The following RASL10B variants were observed in gnomAD, a reference collection of about 807,000 sequenced individuals.
RASL10B encodes RAS like family 10 member B.
A neutral mutation model predicts 20.7 loss-of-function variants in RASL10B; 10 were observed. The observed-to-expected ratio is 0.48, with a 90% CI of 0.30 to 0.82. The LOEUF is 0.82. Among genes scored for constraint, RASL10B ranks in the 40% least tolerant of loss-of-function variants. The pLI is 0.07. For synonymous variants in RASL10B, 110 were observed against 123.3 expected (o/e 0.89, Z 0.72); for missense variants, 231 against 295.4 (o/e 0.78, Z 1.60).
In RASL10B at chr17:35,741,099, C is replaced by A. The variant is rs782116482; in HGVS notation, c.406C>A (p.Arg136Ser). 1.2e-6 allele frequency: 2 copies of A among 1,613,218 alleles called. No individual in the cohort carries two copies. Among genetic ancestry groups the A allele is most frequent in the Non-Finnish European group, 1.7e-6 (2 of 1,179,770 alleles). The change falls in exon 4 of 4, where the codon CGC (arginine) becomes AGC (serine). Residue 136 changes from arginine to serine, a missense_variant. Transcript: ENST00000603017. ...VGNKRDLQRG[R>S]VIPRWNVSHL... is the part of the protein sequence containing the mutation. ...CAACAAGCGGGACCTGCAGCGCGGA[C>A]GCGTGATCCCGCGCTGGAACGTGTC...
intron 2 of RASL10B, among the ~76,000 whole-genome samples, chr17:35,738,768 G>A (rs2085610841): frequency 6.6e-6 from 1 of 152,128 alleles, no homozygotes; most frequent in South Asian, 2.1e-4. Context: ...GTGGGTGGGA[G>A]GAAGCCAGGA....
chr17:35,740,886 A>T lies in RASL10B; in HGVS notation c.342-149A>T, dbSNP rs1213231471. 3 of 664,686 alleles carry T rather than the reference A, an allele frequency of 4.5e-6. No individual in the cohort carries two copies. In the Admixed American group the frequency reaches 9.0e-5, roughly 20 times the overall value. 41.2% of individuals were successfully genotyped at this position (664,686 alleles called of 1,614,324 possible). ...CCCATCTTTTAGGTCAGTTGTGCTG[A>T]TCAGAGAATATAACACCTCCAGGGC... On this transcript the variant is annotated intron_variant, in intron 3 of 3. Transcript: ENST00000603017.
intron 2 of RASL10B, among the ~76,000 whole-genome samples, chr17:35,737,422 A>G (rs782460246): frequency 7.9e-5 from 12 of 152,084 alleles, no homozygotes; most frequent in Non-Finnish European, 1.8e-4. Flanking sequence ...GAAGAGCTAT[A>G]CCATGGAGTC....
Position 35,735,878 on chromosome 17 carries a change from C to T in RASL10B, c.216+478C>T, listed in dbSNP as rs999453368. ...AGGTAAGAGTCAGTAGAGAAAAGGA[C>T]AGGGAACACTAGGCTACTGTGAGTA... On this transcript the variant is annotated intron_variant, in intron 2 of 3. Transcript: ENST00000603017. The surrounding 1 kb of genome is among the most constrained non-coding windows in gnomAD (Gnocchi z 6.7). 5.9e-5 allele frequency among the ~76,000 whole-genome samples: 9 copies of T among 152,272 alleles called. No homozygotes were observed. Among genetic ancestry groups the T allele is most frequent in the African/African-American group, 2.2e-4 (9 of 41,544 alleles).
Position 35,740,715 on chromosome 17 carries a change from G to A in RASL10B, c.341+182G>A, listed in dbSNP as rs587603176. Among the ~76,000 whole-genome samples, 7 of 152,334 alleles carry A rather than the reference G, an allele frequency of 4.6e-5. No individual in the cohort carries two copies. The South Asian group carries it at 1.0e-3, about 23-fold the overall frequency. On this transcript the variant is annotated intron_variant, in intron 3 of 3. Transcript: ENST00000603017. ...ATTTCTGTCAACTCATGTTGGGACCGTGGCTGTGGGGGTGGCTAGAGTAGT... is the reference window on the plus strand; with the variant it reads ...ATTTCTGTCAACTCATGTTGGGACCATGGCTGTGGGGGTGGCTAGAGTAGT...
intron 1 of RASL10B, among the ~76,000 whole-genome samples, chr17:35,733,614 G>A (rs2085573047): frequency 6.6e-6 from 1 of 152,228 alleles, no homozygotes. Context: ...GAACCCACCT[G>A]CCCTGGAGCC....
intron 1 of RASL10B, among the ~76,000 whole-genome samples, chr17:35,732,584 T>C (rs1555596511): frequency 6.6e-6 from 1 of 152,168 alleles, no homozygotes; most frequent in African/African-American, 2.4e-5. Flanking sequence ...ACCTGATGAG[T>C]TCCAGGAGGC....
Position 35,741,404 on chromosome 17 carries a change from A to G in RASL10B, c.*99A>G. On this transcript the variant is annotated 3_prime_UTR_variant, in exon 4 of 4. Transcript: ENST00000603017. ...GGAGCGGGCGGGAAATGGAACTGTG[A>G]CGGTCCCGGCCTGAGGCCCCTGCAG... is the stretch of plus-strand genomic sequence containing the variant. 2 of 1,362,870 alleles carry G rather than the reference A, an allele frequency of 1.5e-6. No homozygotes were observed. Among genetic ancestry groups the G allele is most frequent in the Admixed American group, 3.8e-5 (1 of 26,222 alleles). The allele number at this position is 1,362,870 out of a possible 1,614,324, so 84.4% of individuals were successfully genotyped here.
At position 35,733,564 on chromosome 17, in the gene RASL10B, T is replaced by C. The variant is rs587712091; in HGVS notation, c.-147-1474T>C. ...AAGAACATGCATCTGCAGAGAAGTA[T>C]GCACCCATGCGGAAAAGCATGGCCT... is the stretch of plus-strand genomic sequence containing the variant. On this transcript the variant is annotated intron_variant, in intron 1 of 3. Coordinates refer to ENST00000603017, the MANE Select transcript of RASL10B (RefSeq NM_033315.4). 6.6e-5 allele frequency among the ~76,000 whole-genome samples: 10 copies of C among 152,320 alleles called. No individual in the cohort carries two copies. In the East Asian group the frequency reaches 1.9e-3, roughly 29 times the overall value.
rs1419054979 is a variant in RASL10B, at chr17:35,743,011, C to A, written c.*1706C>A. On this transcript the variant is annotated 3_prime_UTR_variant, in exon 4 of 4. Coordinates refer to ENST00000603017, the MANE Select transcript of RASL10B (RefSeq NM_033315.4). ...TCACAGCAACCGCCCTGACCTTGGG[C>A]AGTCTAGTGTTCCTGCATTCTAGTC... The A allele has an allele frequency of 1.3e-5, 2 of 152,686 alleles. No individual in the cohort carries two copies. 9.5% of individuals were successfully genotyped at this position (152,686 alleles called of 1,614,324 possible).
Position 35,735,031 on chromosome 17 carries a change from C to G in RASL10B, c.-147-7C>G. Reference sequence around the variant, plus strand: ...CAGTGCACTAAGCCCACCTCTTGTCCCCACAGTCCAGGTGGAGGCCGCAGA... The same window carrying G: ...CAGTGCACTAAGCCCACCTCTTGTCGCCACAGTCCAGGTGGAGGCCGCAGA... On this transcript the variant is annotated splice_polypyrimidine_tract_variant and splice_region_variant and intron_variant, in intron 1 of 3. Coordinates refer to ENST00000603017, the MANE Select transcript of RASL10B (RefSeq NM_033315.4). The surrounding 1 kb of genome is among the most constrained non-coding windows in gnomAD (Gnocchi z 6.7). 1.4e-6 allele frequency: 1 copy of G among 723,626 alleles called. No individual in the cohort carries two copies. The highest frequency in any genetic ancestry group is 2.4e-6 in the Non-Finnish European group (1 of 425,330). 44.8% of individuals were successfully genotyped at this position (723,626 alleles called of 1,614,324 possible).
Position 35,741,154 on chromosome 17 carries a change from G to T in RASL10B, c.461G>T (p.Gly154Val). 6.2e-7 allele frequency: 1 copy of T among 1,613,490 alleles called. No individual in the cohort carries two copies. The highest frequency in any genetic ancestry group is 1.1e-5 in the South Asian group (1 of 91,088). ...SHLVRKTWKC[G>V]YVECSAKYNW... ...CTGGTACGCAAGACCTGGAAGTGCG[G>T]CTACGTGGAATGCTCGGCCAAGTAC... Residue 154 changes from glycine (G) to valine (V), a missense_variant, in exon 4 of 4, where the codon GGC (glycine) becomes GTC (valine). Coordinates refer to ENST00000603017, the MANE Select transcript of RASL10B (RefSeq NM_033315.4).
chr17:35,735,523 A>G lies in RASL10B; in HGVS notation c.216+123A>G. 1.7e-5 allele frequency: 15 copies of G among 891,888 alleles called. No homozygotes were observed. Among genetic ancestry groups the G allele is most frequent in the East Asian group, 2.6e-5 (1 of 37,742 alleles). 55.2% of individuals were successfully genotyped at this position (891,888 alleles called of 1,614,324 possible). A position where few individuals can be genotyped will look rare whatever the true frequency, so the allele number is the denominator to read the frequency against. On this transcript the variant is annotated intron_variant, in intron 2 of 3. Coordinates refer to ENST00000603017, the MANE Select transcript of RASL10B (RefSeq NM_033315.4). The surrounding 1 kb of genome is among the most constrained non-coding windows in gnomAD (Gnocchi z 6.7). ...CCCCATCACTGAGTTTGGGAGCTCC[A>G]CACTGCACCTTGGGCCACTCTGCTT...
intron 1 of RASL10B, among the ~76,000 whole-genome samples, chr17:35,734,619 A>G (rs1555596819): frequency 6.6e-6 from 1 of 152,124 alleles, no homozygotes; most frequent in East Asian, 1.9e-4. Context: ...GTCCTGCACA[A>G]TCGAGTTCTC....
intron 3 of RASL10B, 120 bp from the exon 4 acceptor site, chr17:35,740,914 AG>A (rs1373207843): frequency 2.0e-5 from 16 of 780,612 alleles, no homozygotes; most frequent in African/African-American, 5.2e-5. Context: ...TCCAGGGCTT[AG>A]GGCTGCGCCT....
chr17:35,737,236 G>A (rs2085598739), intron 2 of RASL10B, among the ~76,000 whole-genome samples: 4 of 152,106 alleles, frequency 2.6e-5, no homozygotes, highest in Admixed American at 6.5e-5. Context: ...CGAACTACTG[G>A]CCTCAAGCGA....
intron 2 of RASL10B, among the ~76,000 whole-genome samples, chr17:35,739,057 C>T (rs2085612412): frequency 6.6e-6 from 1 of 152,186 alleles, no homozygotes; most frequent in South Asian, 2.1e-4. Context: ...ATCCTCCCGC[C>T]GCACCAAAAA....
rs587654615 is a variant in RASL10B, at chr17:35,741,332, G to C, written c.*27G>C. ...GCCTGCGCGCCCCTCGGGCTGCACCGGCACTGGCCGAGCGGAGGGCGGGGC... is the reference window on the plus strand; with the variant it reads ...GCCTGCGCGCCCCTCGGGCTGCACCCGCACTGGCCGAGCGGAGGGCGGGGC... On this transcript the variant is annotated 3_prime_UTR_variant, in exon 4 of 4. Coordinates refer to ENST00000603017, the MANE Select transcript of RASL10B (RefSeq NM_033315.4). The C allele has an allele frequency of 6.0e-5, 84 of 1,411,442 alleles. No homozygotes were observed. The African/African-American group carries it at 1.2e-3, about 20-fold the overall frequency. The allele number at this position is 1,411,442 out of a possible 1,614,324, so 87.4% of individuals were successfully genotyped here.
Position 35,741,671 on chromosome 17 carries a change from G to A in RASL10B, c.*366G>A. The A allele has an allele frequency of 4.0e-6, 1 of 250,484 alleles. No individual in the cohort carries two copies. The highest frequency in any genetic ancestry group is 7.6e-6 in the Non-Finnish European group (1 of 132,166). 15.5% of individuals were successfully genotyped at this position (250,484 alleles called of 1,614,324 possible). ...CACGTGTCTTCTCCAGAATGTGTCT[G>A]TCTTTGCCTGGTGTCTTCCTTTCCC... On this transcript the variant is annotated 3_prime_UTR_variant, in exon 4 of 4. Transcript: ENST00000603017.
Sources: allele counts gnomAD v4.1 joint callset (sites outside exome capture counted in the v4.1 genomes callset), GRCh38; gene constraint gnomAD v4.1.1; non-coding constraint Gnocchi (gnomAD v3.1); transcripts MANE v1.5; gene names NCBI Gene and HGNC (gene_info 2026-07-23, HGNC 2026-07-21).